Variants in SLC22A12 observed in about 807,000 individuals in gnomAD.
The protein encoded by SLC22A12 is organic anion transporter 4-like protein.
In SLC22A12, 56 loss-of-function variants were observed where a neutral mutation model predicts 52.7. The ratio of observed to expected loss-of-function variants is 1.06; its 90% confidence interval spans 0.86 to 1.33. The LOEUF is 1.33. SLC22A12 is among the 40% of genes most tolerant of loss of function. The pLI is 0.00. For synonymous variants in SLC22A12, 337 were observed against 324.6 expected (o/e 1.04, Z -0.41); for missense variants, 683 against 741.5 (o/e 0.92, Z 0.92).
chr11:64,598,890 T>C lies in SLC22A12; in HGVS notation c.1037T>C (p.Leu346Pro). 6.2e-7 allele frequency: 1 copy of C among 1,612,926 alleles called. No homozygotes were observed. The highest frequency in any genetic ancestry group is 8.5e-7 in the Non-Finnish European group (1 of 1,179,974). Residue 346 changes from leucine (L) to proline (P), a missense_variant, in exon 6 of 10, where the codon CTG becomes CCG. Leu to Pro is a moderately conservative substitution (Grantham distance 98). Coordinates refer to ENST00000377574, the MANE Select transcript of SLC22A12 (RefSeq NM_144585.4). ...SLGTLLRMPG[L>P]RFRTCISTLC... ...GGCACCCTGCTCCGCATGCCCGGAC[T>C]GCGCTTCCGGACCTGTATCTCCACG...
chr11:64,601,022 C>A, intron 9 of SLC22A12, 84 bp downstream of exon 9: 1 of 1,541,910 alleles, frequency 6.5e-7, no homozygotes, highest in Non-Finnish European at 8.8e-7. Flanking sequence ...ATCCCCATCA[C>A]TTGACAGAGG....
Position 64,591,699 on chromosome 11 carries a change from G to A in SLC22A12, c.143G>A (p.Arg48His), listed in dbSNP as rs200499531. The change falls in exon 1 of 10, where the codon CGC (arginine) becomes CAC (histidine). Residue 48 changes from arginine (R) to histidine (H), a missense_variant. By Grantham distance (29) the Arg-to-His change is conservative. Coordinates refer to ENST00000377574, the MANE Select transcript of SLC22A12 (RefSeq NM_144585.4). ...ENFSAAVPSH[R>H]CWAPLLDNST... is the part of the protein sequence containing the mutation. ...TTCTCGGCCGCCGTGCCCAGCCACCGCTGCTGGGCACCCCTCCTGGACAAC... is the reference window on the plus strand; with the variant it reads ...TTCTCGGCCGCCGTGCCCAGCCACCACTGCTGGGCACCCCTCCTGGACAAC... 1.4e-5 allele frequency: 23 copies of A among 1,612,026 alleles called. No homozygotes were observed. Among genetic ancestry groups the A allele is most frequent in the Non-Finnish European group, 1.8e-5 (21 of 1,179,996 alleles).
intron 7 of SLC22A12, 101 bp downstream of exon 7, chr11:64,599,991 C>G (rs1157040767): frequency 7.0e-7 from 1 of 1,426,640 alleles, no homozygotes; most frequent in African/African-American, 1.4e-5. Context: ...GAGCAGGTAC[C>G]CTGGTAGGAA....
At position 64,601,914 on chromosome 11, in the gene SLC22A12, T is replaced by C. The variant is rs937771131; in HGVS notation, c.*363T>C. 1.7e-5 allele frequency: 6 copies of C among 361,468 alleles called. No homozygotes were observed. Among genetic ancestry groups the C allele is most frequent in the African/African-American group, 4.3e-5 (2 of 47,054 alleles). 22.4% of individuals were successfully genotyped at this position (361,468 alleles called of 1,614,324 possible). On this transcript the variant is annotated 3_prime_UTR_variant, in exon 10 of 10. Coordinates refer to ENST00000377574, the MANE Select transcript of SLC22A12 (RefSeq NM_144585.4). ...ACTTGTCCCCCCACACCCGTCCACC[T>C]GCCCAGAGCTCAGAGCTAACCACCA... is the stretch of plus-strand genomic sequence containing the variant.
At chr11:64,600,965 C>T (rs1158148315) in intron 9 of SLC22A12, 27 bp downstream of exon 9, 1 of 1,601,844 alleles carries the variant, frequency 6.2e-7, no homozygotes, top group Non-Finnish European at 8.5e-7. Flanking sequence ...TCGGGACCAC[C>T]CCTCCCTCCC....
chr11:64,595,059 G>GATGGATGGGTGGATGGATGC (rs2039078721), intron 4 of SLC22A12, among the ~76,000 whole-genome samples: 3 of 125,602 alleles, frequency 2.4e-5, no homozygotes, highest in African/African-American at 5.9e-5. Flanking sequence ...TGGATGGATG[G>GATGGATGGGTGGATGGATGC]ATGGATGGAT....
At chr11:64,594,486 ATAGGTAGGTAGGTAGG>A (rs60103042) in intron 4 of SLC22A12, among the ~76,000 whole-genome samples, 21 of 151,586 alleles carry the variant, frequency 1.4e-4, no homozygotes, top group African/African-American at 3.6e-4. Context: ...AAATAGATAG[ATAGGTAGGTAGGTAGG>A]TAGGTAGGTA....
At position 64,600,568 on chromosome 11, in the gene SLC22A12, T is replaced by C. The variant is rs1350521557; in HGVS notation, c.1394+93T>C. On this transcript the variant is annotated intron_variant, in intron 8 of 9. Coordinates refer to ENST00000377574, the MANE Select transcript of SLC22A12 (RefSeq NM_144585.4). ...ACTGGCTTCTCCCAGACCTAGATGT[T>C]CATGTCATGCATCTCCCTCTTGTGT... The C allele has an allele frequency of 3.7e-6, 5 of 1,358,866 alleles. No individual in the cohort carries two copies. The East Asian group carries it at 9.8e-5, about 27-fold the overall frequency. 84.2% of individuals were successfully genotyped at this position (1,358,866 alleles called of 1,614,324 possible). A position where few individuals can be genotyped will look rare whatever the true frequency, so the allele number is the denominator to read the frequency against.
In SLC22A12 at chr11:64,592,808, G is replaced by T; in HGVS notation, c.432G>T (p.Leu144=). 1 of 1,613,910 alleles carries T rather than the reference G, an allele frequency of 6.2e-7. No homozygotes were observed. ...ACCTCGTGTGTGACTCTCATGCTCT[G>T]AAGCCCATGGCCCAGTCCATCTACC... ...KWNLVCDSHA[L]KPMAQSIYLA... is the part of the protein sequence containing the mutation. The change falls in exon 2 of 10, where the codon CTG becomes CTT. Residue 144 remains leucine, a synonymous_variant. Coordinates refer to ENST00000377574, the MANE Select transcript of SLC22A12 (RefSeq NM_144585.4).
Position 64,591,411 on chromosome 11 carries a change from C to T in SLC22A12, c.-146C>T. 1 of 1,102,262 alleles carries T rather than the reference C, an allele frequency of 9.1e-7. No individual in the cohort carries two copies. Among genetic ancestry groups the T allele is most frequent in the Non-Finnish European group, 1.3e-6 (1 of 769,940 alleles). 68.3% of individuals were successfully genotyped at this position (1,102,262 alleles called of 1,614,324 possible). A position where few individuals can be genotyped will look rare whatever the true frequency, so the allele number is the denominator to read the frequency against. Reference sequence around the variant, plus strand: ...ATGACCAGAGAGCCTGAGCCTCCGGCCCCGAGTCTGTGAAGCCTAGCCGCT... The same window carrying T: ...ATGACCAGAGAGCCTGAGCCTCCGGTCCCGAGTCTGTGAAGCCTAGCCGCT... On this transcript the variant is annotated 5_prime_UTR_variant, in exon 1 of 10. Transcript: ENST00000377574.
In SLC22A12 at chr11:64,591,942, C is replaced by G. The variant is rs757451445; in HGVS notation, c.386C>G (p.Ser129Cys). 6.2e-7 allele frequency: 1 copy of G among 1,611,544 alleles called. No individual in the cohort carries two copies. Among genetic ancestry groups the G allele is most frequent in the Non-Finnish European group, 8.5e-7 (1 of 1,179,982 alleles). The change falls in exon 1 of 10, where the codon TCC becomes TGC. Residue 129 changes from serine to cysteine, a missense_variant. By Grantham distance (112) the Ser-to-Cys change is moderately radical (BLOSUM62 -1). Transcript: ENST00000377574. ...GTCTATGACCGCAGCATCTTCACCT[C>G]CACAATCGTGGCCAAGGTAGGGCCT... Reference protein sequence around the residue: ...GWVYDRSIFTSTIVAKWNLVC... With the variant: ...GWVYDRSIFTCTIVAKWNLVC...
rs1047976958 is a variant in SLC22A12 at position 64,599,701 on chromosome 11, G to A, written c.1096G>A (p.Gly366Ser). ...GTTCGCCTTTGGCTTCACCTTCTTC[G>A]GCCTGGCCCTGGACCTGCAGGCCCT... ...CWFAFGFTFFGLALDLQALGS... is the reference protein window; with the variant it reads ...CWFAFGFTFFSLALDLQALGS... The change falls in exon 7 of 10, where the codon GGC becomes AGC. Residue 366 changes from glycine to serine, a missense_variant. By Grantham distance (56) the Gly-to-Ser change is moderately conservative (BLOSUM62 0). Transcript: ENST00000377574. The A allele has an allele frequency of 1.6e-5, 26 of 1,609,034 alleles. No homozygotes were observed. The highest frequency in any genetic ancestry group is 1.7e-4 in the Middle Eastern group (1 of 6,052).
rs773056096 is a variant in SLC22A12 at position 64,601,590 on chromosome 11, G to A, written c.*39G>A. 21 of 1,597,540 alleles carry A rather than the reference G, an allele frequency of 1.3e-5. No homozygotes were observed. Among genetic ancestry groups the A allele is most frequent in the Non-Finnish European group, 1.7e-5 (20 of 1,165,754 alleles). On this transcript the variant is annotated 3_prime_UTR_variant, in exon 10 of 10. Coordinates refer to ENST00000377574, the MANE Select transcript of SLC22A12 (RefSeq NM_144585.4). The stretch of plus-strand genomic sequence containing the variant: ...CTGCGATGGGACGGTCAGAGGAAGA[G>A]ACTTCTTCTGTTCTCTGGAGAAGGC...
chr11:64,591,956 A>C lies in SLC22A12; in HGVS notation c.400A>C (p.Lys134Gln), dbSNP rs2038931505. ...RSIFTSTIVA[K>Q]WNLVCDSHAL... ...CATCTTCACCTCCACAATCGTGGCC[A>C]AGGTAGGGCCTCCCCCAGAGCCACT... is the stretch of plus-strand genomic sequence containing the variant. The change falls in exon 1 of 10, where the codon AAG (lysine) becomes CAG (glutamine). Residue 134 changes from lysine (K) to glutamine (Q), a missense_variant and splice_region_variant. By Grantham distance (53) the Lys-to-Gln change is moderately conservative (BLOSUM62 1). Transcript: ENST00000377574. The C allele has an allele frequency of 4.3e-6, 7 of 1,610,440 alleles. No homozygotes were observed. The highest frequency in any genetic ancestry group is 5.1e-6 in the Non-Finnish European group (6 of 1,179,942).
At chr11:64,599,588 T>TG in intron 6 of SLC22A12, 88 bp from the exon 7 acceptor site, 1 of 460,228 alleles carries the variant, frequency 2.2e-6, no homozygotes, top group African/African-American at 2.8e-5. Flanking sequence ...ACCCCCACCC[T>TG]GAGCCCCCAC....
intron 1 of SLC22A12, 137 bp from the exon 2 acceptor site, chr11:64,592,642 G>C (rs2135442078): frequency 1.3e-6 from 1 of 765,712 alleles, no homozygotes; most frequent in Non-Finnish European, 2.4e-6. Context: ...TGTTCCACAG[G>C]GTCTTGCTCT....
chr11:64,591,257 C>T lies in SLC22A12; in HGVS notation c.-300C>T, dbSNP rs1591385456. 2.6e-5 allele frequency: 12 copies of T among 464,248 alleles called. No homozygotes were observed. The East Asian group carries it at 4.6e-4, about 18-fold the overall frequency. 28.8% of individuals were successfully genotyped at this position (464,248 alleles called of 1,614,324 possible). A position where few individuals can be genotyped will look rare whatever the true frequency, so the allele number is the denominator to read the frequency against. ...AAGTCTTCAGTCTCCACATTCCCTA[C>T]TTTCCAAATTCAGCTTTCCCGGGAG... On this transcript the variant is annotated 5_prime_UTR_variant, in exon 1 of 10. Coordinates refer to ENST00000377574, the MANE Select transcript of SLC22A12 (RefSeq NM_144585.4).
intron 4 of SLC22A12, among the ~76,000 whole-genome samples, chr11:64,595,243 TG>T (rs2039104632): frequency 8.3e-6 from 1 of 121,122 alleles, no homozygotes; most frequent in Admixed American, 8.3e-5. Flanking sequence ...GATGGATGGA[TG>T]GATGGATGGA....
In SLC22A12 at chr11:64,600,880, C is replaced by T; in HGVS notation, c.1540C>T (p.Leu514Phe). The T allele has an allele frequency of 1.2e-6, 2 of 1,609,660 alleles. No homozygotes were observed. Among genetic ancestry groups the T allele is most frequent in the Non-Finnish European group, 1.7e-6 (2 of 1,179,982 alleles). ...AGTGCTGAGTGGCCTGGCCGCACTG[C>T]TTCTGCCCGAGACCCAGAGCTTGCC... Reference protein sequence around the residue: ...VPVLSGLAALLLPETQSLPLP... With the variant: ...VPVLSGLAALFLPETQSLPLP... Residue 514 changes from leucine to phenylalanine, a missense_variant, in exon 9 of 10, where the codon CTT becomes TTT. Leu to Phe is a conservative substitution (Grantham distance 22). Coordinates refer to ENST00000377574, the MANE Select transcript of SLC22A12 (RefSeq NM_144585.4).
Sources: gnomAD v4.1 joint callset for allele counts (sites outside exome capture counted in the v4.1 genomes callset) on GRCh38, gnomAD v4.1.1 for gene constraint, MANE v1.5 for transcripts, NCBI Gene and HGNC (gene_info 2026-07-23, HGNC 2026-07-21) for gene names.